DAB2IP: variants seen among roughly 807,000 people sequenced by gnomAD.
DAB2IP encodes the protein disabled homolog 2-interacting protein.
In DAB2IP, 28 loss-of-function variants were observed where a neutral mutation model predicts 107.2. That is an observed-to-expected ratio of 0.26 (90% CI 0.19 to 0.36). The LOEUF (loss-of-function observed/expected upper bound fraction) is 0.36, where lower values mean the gene tolerates loss of function less well. Among genes scored for constraint, DAB2IP ranks in the 10% least tolerant of loss-of-function variants. The pLI, the probability that DAB2IP is intolerant of heterozygous loss-of-function variation, is 1.00. For missense variants in DAB2IP, 1,400 were observed against 1,644.7 expected, an observed-to-expected ratio of 0.85 and a Z score of 2.57; for synonymous variants, 755 against 706.4, an observed-to-expected ratio of 1.07 and a Z score of -1.09.
chr9:121,619,977 C>G (rs1014279985), intron 1 of DAB2IP, among the ~76,000 whole-genome samples: 1 of 151,944 alleles, frequency 6.6e-6, no homozygotes, highest in African/African-American at 2.4e-5. Context: ...GTGGTGGAAG[C>G]CAGAGTATGT....
At chr9:121,742,551 C>T (rs542947302) in intron 3 of DAB2IP, among the ~76,000 whole-genome samples, 7 of 152,332 alleles carry the variant, frequency 4.6e-5, no homozygotes, top group Admixed American at 3.9e-4. Context: ...TCCAGTCTCT[C>T]TTCCCTTCCT....
chr9:121,647,312 G>A (rs1250215987), upstream of DAB2IP, among the ~76,000 whole-genome samples: 1 of 152,176 alleles, frequency 6.6e-6, no homozygotes, highest in East Asian at 1.9e-4. Context: ...TCTTAAGATT[G>A]GAGGAAACAC....
intron 1 of DAB2IP, among the ~76,000 whole-genome samples, chr9:121,589,926 T>TTCCCTTCCCC (rs1830392357): frequency 2.2e-5 from 1 of 45,282 alleles, no homozygotes; most frequent in African/African-American, 1.3e-4. Context: ...CTCCCTTCCC[T>TTCCCTTCCCC]TCCCTTCCCT....
intron 10 of DAB2IP, among the ~76,000 whole-genome samples, chr9:121,769,376 C>T (rs949213755): frequency 6.6e-6 from 1 of 152,134 alleles, no homozygotes; most frequent in Admixed American, 6.5e-5. Context: ...CACATGCAGG[C>T]GCACACACAT....
chr9:121,767,000 TAATG>T (rs1834334600), intron 9 of DAB2IP, among the ~76,000 whole-genome samples: 1 of 152,256 alleles, frequency 6.6e-6, no homozygotes, highest in Non-Finnish European at 1.5e-5. Flanking sequence ...TTTTTTGAAT[TAATG>T]TATTATTATA....
At chr9:121,614,729 CTTTCTTTCT>C (rs1396163649) in intron 1 of DAB2IP, among the ~76,000 whole-genome samples, 21 of 106,694 alleles carry the variant, frequency 2.0e-4, no homozygotes, top group African/African-American at 6.6e-4. Context: ...TTCTTTCTTT[CTTTCTTTCT>C]TTTTTTTTTT....
At position 121,615,846 on chromosome 9, in the gene DAB2IP, G is replaced by A. The variant is rs145774071; in HGVS notation, c.40+48618G>A. On this transcript the variant is annotated intron_variant, in intron 1 of 16. Transcript: ENST00000259371. ...TCACCATATTGACCAGGCTGGTCTC[G>A]AACTCCTGGTCTCAAGTGATCCACC... Among the ~76,000 whole-genome samples, 694 of 152,092 alleles carry A rather than the reference G, an allele frequency of 4.6e-3. 8 individuals are homozygous for A. Among genetic ancestry groups the A allele is most frequent in the African/African-American group, 0.016 (665 of 41,492 alleles).
intron 1 of DAB2IP, among the ~76,000 whole-genome samples, chr9:121,616,802 C>T (rs1175548576): frequency 6.6e-6 from 1 of 152,196 alleles, no homozygotes; most frequent in Non-Finnish European, 1.5e-5. Flanking sequence ...TGGGAGGTGG[C>T]AGAAACTCCT....
At chr9:121,640,244 G>A (rs771326053) in intron 1 of DAB2IP, among the ~76,000 whole-genome samples, 1 of 152,150 alleles carries the variant, frequency 6.6e-6, no homozygotes, top group Non-Finnish European at 1.5e-5. Context: ...AGGGCTCCCC[G>A]CTGCTGTGTG....
intron 5 of DAB2IP, among the ~76,000 whole-genome samples, chr9:121,759,436 T>A (rs1833727608): frequency 6.6e-6 from 1 of 152,140 alleles, no homozygotes; most frequent in Non-Finnish European, 1.5e-5. Context: ...CCCACTGTAA[T>A]CCCTGCTTCT....
At chr9:121,744,113 GCT>G (rs1832548584) in intron 3 of DAB2IP, among the ~76,000 whole-genome samples, 1 of 152,232 alleles carries the variant, frequency 6.6e-6, no homozygotes, top group African/African-American at 2.4e-5. Context: ...CTTGGCCTTT[GCT>G]CTGAGTGGCC....
At position 121,599,470 on chromosome 9, in the gene DAB2IP, C is replaced by T. The variant is rs1830616554; in HGVS notation, c.40+32242C>T. Among the ~76,000 whole-genome samples the T allele has an allele frequency of 6.6e-6, 1 of 151,996 alleles. No homozygotes were observed. Among genetic ancestry groups the T allele is most frequent in the South Asian group, 2.1e-4 (1 of 4,824 alleles). ...TGGGTCCCGGGCCTGGCGGGCGGAG[C>T]TGTGGGCGGCTGGGCCTGCGATTGG... On this transcript the variant is annotated intron_variant, in intron 1 of 16. Coordinates refer to the DAB2IP transcript ENST00000259371. This position sits in a 1 kb window ranked among gnomAD's most constrained non-coding sequence, Gnocchi z 6.9.
chr9:121,687,799 C>T (rs1828958963), intron 2 of DAB2IP, among the ~76,000 whole-genome samples: 1 of 152,186 alleles, frequency 6.6e-6, no homozygotes, highest in African/African-American at 2.4e-5. Context: ...AGGGTGGCTC[C>T]TCTCATGGGC....
chr9:121,755,335 G>A (rs1442418888), intron 3 of DAB2IP, among the ~76,000 whole-genome samples: 1 of 152,230 alleles, frequency 6.6e-6, no homozygotes, highest in Non-Finnish European at 1.5e-5. Context: ...GCACATGCTG[G>A]GCTTGTCCAT....
At chr9:121,682,587 G>C (rs1285185324) in intron 2 of DAB2IP, among the ~76,000 whole-genome samples, 2 of 152,206 alleles carry the variant, frequency 1.3e-5, no homozygotes, top group Non-Finnish European at 2.9e-5. Flanking sequence ...GGCATTGAAG[G>C]CTCAGTGCTA....
At chr9:121,570,743 T>C (rs1263001460) in intron 1 of DAB2IP, among the ~76,000 whole-genome samples, 3 of 152,094 alleles carry the variant, frequency 2.0e-5, no homozygotes, top group Non-Finnish European at 4.4e-5. Context: ...AGACAGGGTT[T>C]GCCCACGTTG....
At chr9:121,779,703 A>AACTGCTTC (rs376306504) in intron 14 of DAB2IP, among the ~76,000 whole-genome samples, 167 of 152,326 alleles carry the variant, frequency 1.1e-3, no homozygotes, top group African/African-American at 3.8e-3. Flanking sequence ...GTACAACATG[A>AACTGCTTC]ACTGCTTCTG....
chr9:121,586,429 C>T (rs187385140), intron 1 of DAB2IP, among the ~76,000 whole-genome samples: 17 of 152,162 alleles, frequency 1.1e-4, no homozygotes, highest in Non-Finnish European at 1.3e-4. Context: ...GAGACGGAAA[C>T]GTAAGTGGCA....
At chr9:121,722,571 G>A (rs1277202048) in intron 3 of DAB2IP, among the ~76,000 whole-genome samples, 2 of 152,198 alleles carry the variant, frequency 1.3e-5, no homozygotes, top group African/African-American at 2.4e-5. Context: ...AGGGCCTTGG[G>A]CCAGAGAGGG....
Sources: allele counts gnomAD v4.1 joint callset (sites outside exome capture counted in the v4.1 genomes callset), GRCh38; gene constraint gnomAD v4.1.1; non-coding constraint Gnocchi (gnomAD v3.1); transcripts MANE v1.5; gene names NCBI Gene and HGNC (gene_info 2026-07-23, HGNC 2026-07-21).